The following NAALADL2 variants were observed in gnomAD, a reference collection of about 807,000 sequenced individuals.
NAALADL2 encodes N-acetylated alpha-linked acidic dipeptidase like 2, also known as inactive N-acetylated-alpha-linked acidic dipeptidase-like protein 2.
Under a neutral mutation model 87.2 loss-of-function variants are expected in NAALADL2, and 76 were observed. That is an observed-to-expected ratio of 0.87 (90% confidence interval 0.72 to 1.05). NAALADL2 has a LOEUF of 1.05. Ranked by LOEUF, NAALADL2 falls within the 50% of genes least tolerant of loss-of-function variation. The pLI is 0.00. For missense variants in NAALADL2, 1,089 were observed against 945.8 expected, an observed-to-expected ratio of 1.15 and a Z score of -1.99; for synonymous variants, 354 against 331.0, an observed-to-expected ratio of 1.07 and a Z score of -0.75.
At chr3:175,584,100 C>T (rs1011171602) in intron 10 of NAALADL2, among the ~76,000 whole-genome samples, 3 of 150,418 alleles carry the variant, frequency 2.0e-5, no homozygotes, top group African/African-American at 4.9e-5. Flanking sequence ...TGCATTGGTG[C>T]GATCTCAGCT....
chr3:175,735,766 A>C (rs371636059), intron 11 of NAALADL2, among the ~76,000 whole-genome samples: 17 of 152,328 alleles, frequency 1.1e-4, no homozygotes, highest in African/African-American at 4.1e-4. Flanking sequence ...GGGAGCTACA[A>C]GATGAAATTT....
intron 1 of NAALADL2, among the ~76,000 whole-genome samples, chr3:174,500,799 G>A (rs1251446514): frequency 6.6e-6 from 1 of 151,138 alleles, no homozygotes; most frequent in Non-Finnish European, 1.5e-5. Flanking sequence ...CTAGCCTTGC[G>A]TCCCTGGGAT....
chr3:175,260,665 CT>C (rs1750872959), intron 4 of NAALADL2, among the ~76,000 whole-genome samples: 1 of 152,094 alleles, frequency 6.6e-6, no homozygotes, highest in Admixed American at 6.5e-5. Context: ...AACATTTTGT[CT>C]GGGAACATGC....
At chr3:175,308,480 T>G (rs1757973738) in intron 4 of NAALADL2, among the ~76,000 whole-genome samples, 2 of 152,204 alleles carry the variant, frequency 1.3e-5, no homozygotes, top group Admixed American at 6.5e-5. Flanking sequence ...ACCTGGGATA[T>G]AGTCCACTGA....
intron 2 of NAALADL2, among the ~76,000 whole-genome samples, chr3:175,135,052 G>A (rs1456234853): frequency 6.6e-6 from 1 of 152,060 alleles, no homozygotes; most frequent in African/African-American, 2.4e-5. Context: ...GTTTCCTTAT[G>A]TTGTCTATAG....
At chr3:174,482,995 T>C (rs570042290) in intron 1 of NAALADL2, among the ~76,000 whole-genome samples, 1 of 152,148 alleles carries the variant, frequency 6.6e-6, no homozygotes, top group South Asian at 2.1e-4. Flanking sequence ...TTTAAAATAT[T>C]TGTGCTTTAT....
At chr3:175,374,823 G>C (rs997669321) in intron 5 of NAALADL2, among the ~76,000 whole-genome samples, 2 of 151,472 alleles carry the variant, frequency 1.3e-5, no homozygotes, top group African/African-American at 4.8e-5. Flanking sequence ...GCAGTGAGCT[G>C]TAATGACACT....
At chr3:175,236,120 G>A (rs1233550154) in intron 3 of NAALADL2, among the ~76,000 whole-genome samples, 1 of 152,044 alleles carries the variant, frequency 6.6e-6, no homozygotes, top group Non-Finnish European at 1.5e-5. Flanking sequence ...GAGATTCACT[G>A]GATCTGGAAA....
At chr3:174,796,371 C>G (rs922618502) in intron 3 of NAALADL2, among the ~76,000 whole-genome samples, 20 of 152,084 alleles carry the variant, frequency 1.3e-4, no homozygotes, top group Non-Finnish European at 7.4e-5. Flanking sequence ...ACCACCCCTC[C>G]CAAATGCTTT....
chr3:175,325,798 T>G (rs1288827431), intron 5 of NAALADL2, among the ~76,000 whole-genome samples: 1 of 152,224 alleles, frequency 6.6e-6, no homozygotes, highest in East Asian at 1.9e-4. Flanking sequence ...TAATCTAAAC[T>G]TCCTAAAATA....
intron 2 of NAALADL2, among the ~76,000 whole-genome samples, chr3:175,161,436 G>T (rs1011142928): frequency 6.6e-5 from 10 of 152,260 alleles, no homozygotes; most frequent in Admixed American, 3.3e-4. Flanking sequence ...TGCCAGGAAT[G>T]CTGTAAAGCT....
chr3:175,055,329 G>A (rs7612472), intron 1 of NAALADL2, among the ~76,000 whole-genome samples: 6,014 of 152,276 alleles, frequency 0.039, 378 homozygotes, highest in African/African-American at 0.14. Flanking sequence ...TGTAATCTGA[G>A]TCAATGAATC....
intron 1 of NAALADL2, among the ~76,000 whole-genome samples, chr3:174,518,950 A>G (rs1332791631): frequency 6.6e-6 from 1 of 152,160 alleles, no homozygotes; most frequent in African/African-American, 2.4e-5. Context: ...AATGATTTGA[A>G]TTATTCAGAG....
At chr3:174,780,583 G>A (rs1030948369) in intron 3 of NAALADL2, among the ~76,000 whole-genome samples, 37 of 152,086 alleles carry the variant, frequency 2.4e-4, no homozygotes, top group African/African-American at 8.9e-4. Flanking sequence ...AATGCTTCCA[G>A]CTTTTGCCCA....
At chr3:174,457,867 C>T (rs1027729082) in intron 1 of NAALADL2, among the ~76,000 whole-genome samples, 1 of 151,884 alleles carries the variant, frequency 6.6e-6, no homozygotes, top group Non-Finnish European at 1.5e-5. Flanking sequence ...AGGCCTTTAT[C>T]TTTAGCAAAC....
chr3:175,240,536 A>G (rs968879759), intron 3 of NAALADL2, among the ~76,000 whole-genome samples: 2 of 152,246 alleles, frequency 1.3e-5, no homozygotes, highest in South Asian at 2.1e-4. Context: ...ATAGATAACA[A>G]TATCAGTGAG....
intron 1 of NAALADL2, among the ~76,000 whole-genome samples, chr3:174,463,562 C>A (rs1716337527): frequency 6.6e-6 from 1 of 151,158 alleles, no homozygotes; most frequent in African/African-American, 2.4e-5. Context: ...TGTGAGAATC[C>A]TAAATACTAC....
intron 2 of NAALADL2, among the ~76,000 whole-genome samples, chr3:174,611,974 A>T (rs1052570734): frequency 6.6e-6 from 1 of 150,620 alleles, no homozygotes; most frequent in Admixed American, 6.6e-5. Flanking sequence ...TGTAGGACAG[A>T]TCTTGTGTTG....
chr3:175,300,632 TC>T (rs1457208729), intron 4 of NAALADL2, among the ~76,000 whole-genome samples: 6 of 151,896 alleles, frequency 4.0e-5, no homozygotes, highest in African/African-American at 1.4e-4. Flanking sequence ...TCAGTGGTGA[TC>T]CCCCCTTTAT....
Sources: gnomAD v4.1 joint callset for allele counts (sites outside exome capture counted in the v4.1 genomes callset) on GRCh38, gnomAD v4.1.1 for gene constraint, MANE v1.5 for transcripts, NCBI Gene and HGNC (gene_info 2026-07-23, HGNC 2026-07-21) for gene names.